Variants in PPM1B observed in about 807,000 individuals in gnomAD.
PPM1B encodes the protein protein phosphatase 1B.
A neutral mutation model predicts 43.0 loss-of-function variants in PPM1B; 22 were observed. The ratio of observed to expected loss-of-function variants is 0.51; its 90% CI spans 0.37 to 0.73. The LOEUF is 0.73. PPM1B is among the 30% of genes least tolerant of loss of function. The pLI is 0.00. For missense variants in PPM1B, 632 were observed against 584.2 expected (o/e 1.08, Z -0.84); for synonymous variants, 217 against 197.9 (o/e 1.10, Z -0.81).
At chr2:44,229,945 C>G in intron 5 of PPM1B, 1 of 1,434,972 alleles carries the variant, frequency 7.0e-7, no homozygotes, top group African/African-American at 1.4e-5. Flanking sequence ...TTTCAAAAAT[C>G]TGTTTAAATC....
chr2:44,177,566 G>A (rs543172697), intron 1 of PPM1B, among the ~76,000 whole-genome samples: 11 of 151,708 alleles, frequency 7.3e-5, no homozygotes, highest in South Asian at 4.2e-4. Flanking sequence ...TTACAGGCAC[G>A]TGCCACCACG....
chr2:44,206,227 GA>G (rs894746679), intron 2 of PPM1B, among the ~76,000 whole-genome samples: 3 of 150,722 alleles, frequency 2.0e-5, no homozygotes, highest in Admixed American at 1.3e-4. Flanking sequence ...ACTGGATTTA[GA>G]AAAAAAAATG....
intron 1 of PPM1B, among the ~76,000 whole-genome samples, chr2:44,175,072 G>A (rs968864314): frequency 5.3e-5 from 8 of 152,126 alleles, no homozygotes; most frequent in Admixed American, 1.3e-4. Flanking sequence ...CTGGCAGCAC[G>A]GTGAAACCCC....
intron 2 of PPM1B, among the ~76,000 whole-genome samples, chr2:44,207,327 T>C (rs1173355625): frequency 6.6e-6 from 1 of 152,170 alleles, no homozygotes; most frequent in Non-Finnish European, 1.5e-5. Flanking sequence ...GGTGTGGTCT[T>C]GGTTTCTTTC....
At chr2:44,234,048 A>G (rs1254893268), downstream of PPM1B, 4 of 973,534 alleles carry the variant, frequency 4.1e-6, no homozygotes, top group African/African-American at 7.0e-5. Flanking sequence ...TAAATAAAGA[A>G]TTGATAAAAA....
Position 44,201,293 on chromosome 2 carries a change from T to A in PPM1B, c.94T>A (p.Trp32Arg), listed in dbSNP as rs1668921539. Reference sequence around the variant, plus strand: ...TTATGGCCTGAGCAGCATGCAAGGATGGAGAGTGGAAATGGAAGATGCACA... The same window carrying A: ...TTATGGCCTGAGCAGCATGCAAGGAAGGAGAGTGGAAATGGAAGATGCACA... ...LRYGLSSMQG[W>R]RVEMEDAHTA... is the part of the protein sequence containing the mutation. The change falls in exon 2 of 6, where the codon TGG (tryptophan) becomes AGG (arginine). Residue 32 changes from tryptophan (W) to arginine (R), a missense_variant. By Grantham distance (101) the Trp-to-Arg change is moderately radical. Coordinates refer to ENST00000282412, the MANE Select transcript of PPM1B (RefSeq NM_002706.6). The surrounding 1 kb of genome is among the most constrained non-coding windows in gnomAD (Gnocchi z 5.4). 1.9e-6 allele frequency: 3 copies of A among 1,614,078 alleles called. No individual in the cohort carries two copies. Among genetic ancestry groups the A allele is most frequent in the Non-Finnish European group, 2.5e-6 (3 of 1,179,994 alleles).
At chr2:44,235,444 A>G (rs755767380), downstream of PPM1B, among the ~76,000 whole-genome samples, 3 of 152,036 alleles carry the variant, frequency 2.0e-5, no homozygotes, top group Non-Finnish European at 2.9e-5. Flanking sequence ...TCTTTACTAA[A>G]AATACAAAAT....
chr2:44,226,062 G>T (rs184232795), intron 5 of PPM1B, among the ~76,000 whole-genome samples: 1 of 149,780 alleles, frequency 6.7e-6, no homozygotes, highest in African/African-American at 2.5e-5. Context: ...TGCAAGCTCC[G>T]TCTCCCAGGT....
chr2:44,183,468 A>C (rs1051102891), intron 1 of PPM1B, among the ~76,000 whole-genome samples: 1 of 152,240 alleles, frequency 6.6e-6, no homozygotes, highest in African/African-American at 2.4e-5. Context: ...TCCAGAATCA[A>C]GTACAGCTGG....
chr2:44,230,716 T>TTACCAAAAAG lies in PPM1B; in HGVS notation c.1438_1439insTACCAAAAAG (p.Ter480LeufsTer19). 1 of 1,603,170 alleles carries TTACCAAAAAG rather than the reference T, an allele frequency of 6.2e-7. No individual in the cohort carries two copies. The highest frequency in any genetic ancestry group is 8.5e-7 in the Non-Finnish European group (1 of 1,172,196). On this transcript the variant is annotated frameshift_variant and stop_lost, in exon 6 of 6. Coordinates refer to ENST00000282412, the MANE Select transcript of PPM1B (RefSeq NM_002706.6). LOFTEE classifies it high-confidence loss of function. Reference sequence around the variant, plus strand: ...GACAAAGATGAGTGGTGAAAAAATATGACTTTCCTTTTTGGTAATATTTTT... The same window carrying TTACCAAAAAG: ...GACAAAGATGAGTGGTGAAAAAATATTACCAAAAAGGACTTTCCTTTTTGGTAATATTTTT...
intron 5 of PPM1B, among the ~76,000 whole-genome samples, chr2:44,226,972 A>ATTTATTTATTTG (rs1243829061): frequency 7.0e-6 from 1 of 142,974 alleles, no homozygotes; most frequent in Non-Finnish European, 1.5e-5. Flanking sequence ...TTATTTATTT[A>ATTTATTTATTTG]TGAATGAATG....
chr2:44,188,101 T>C (rs1207867955), intron 1 of PPM1B, among the ~76,000 whole-genome samples: 1 of 152,224 alleles, frequency 6.6e-6, no homozygotes, highest in Non-Finnish European at 1.5e-5. Context: ...TTGCTTTGGC[T>C]TACTTTAACT....
chr2:44,232,181 C>G, downstream of PPM1B: 2 of 1,316,422 alleles, frequency 1.5e-6, no homozygotes, highest in Non-Finnish European at 2.1e-6. Flanking sequence ...TACACAACAT[C>G]TCTCTGTAAA....
chr2:44,185,085 A>G (rs1010774380), intron 1 of PPM1B, among the ~76,000 whole-genome samples: 5 of 151,692 alleles, frequency 3.3e-5, no homozygotes, highest in African/African-American at 1.2e-4. Context: ...ATTATTGTAT[A>G]CATTTTATGC....
chr2:44,237,602 A>C (rs1206552136), downstream of PPM1B, among the ~76,000 whole-genome samples: 1 of 152,224 alleles, frequency 6.6e-6, no homozygotes. Context: ...CCTTTTATGG[A>C]AAGGTAGAAT....
rs773866769 is a variant in PPM1B, at chr2:44,201,969, A to T, written c.770A>T (p.Tyr257Phe). The T allele has an allele frequency of 1.2e-6, 2 of 1,613,932 alleles. No individual in the cohort carries two copies. Among genetic ancestry groups the T allele is most frequent in the Non-Finnish European group, 1.7e-6 (2 of 1,179,974 alleles). The part of the protein sequence containing the change: ...DVMSNEELCE[Y>F]VKSRLEVSDD... ...ATGAGTAATGAGGAGCTCTGTGAAT[A>T]TGTTAAATCTAGGCTTGAGGTATCT... Residue 257 changes from tyrosine to phenylalanine, a missense_variant, in exon 2 of 6, where the codon TAT (tyrosine) becomes TTT (phenylalanine). Physicochemically the swap from Tyr to Phe is conservative, Grantham distance 22 (BLOSUM62 3). Coordinates refer to ENST00000282412, the MANE Select transcript of PPM1B (RefSeq NM_002706.6). The surrounding 1 kb of genome is among the most constrained non-coding windows in gnomAD (Gnocchi z 5.4).
chr2:44,178,546 C>T (rs1304958784), intron 1 of PPM1B, among the ~76,000 whole-genome samples: 1 of 150,984 alleles, frequency 6.6e-6, no homozygotes, highest in Non-Finnish European at 1.5e-5. Flanking sequence ...TGGCTCATTG[C>T]AACCTCCACT....
chr2:44,227,468 A>G (rs1670269280), intron 5 of PPM1B, among the ~76,000 whole-genome samples: 1 of 151,534 alleles, frequency 6.6e-6, no homozygotes, highest in Non-Finnish European at 1.5e-5. Flanking sequence ...ACATGAACAG[A>G]TACACAGACG....
intron 5 of PPM1B, chr2:44,230,046 T>G: frequency 1.3e-6 from 2 of 1,574,156 alleles, no homozygotes; most frequent in Non-Finnish European, 1.7e-6. Context: ...CTTTTCCTAC[T>G]GCTTTAAACA....
Sources: gnomAD v4.1 joint callset for allele counts (sites outside exome capture counted in the v4.1 genomes callset) on GRCh38, gnomAD v4.1.1 for gene constraint, Gnocchi (gnomAD v3.1) non-coding constraint, MANE v1.5 for transcripts, NCBI Gene and HGNC (gene_info 2026-07-23, HGNC 2026-07-21) for gene names.